RAB2A: variants seen among roughly 807,000 people sequenced by gnomAD.
RAB2A encodes ras-related protein Rab-2A.
RAB2A carries 7 observed loss-of-function variants against 32.5 expected under a neutral mutation model. That is an observed-to-expected ratio of 0.22 (90% CI 0.12 to 0.40). The LOEUF (loss-of-function observed/expected upper bound fraction) is 0.40, where lower values mean the gene tolerates loss of function less well. Among genes scored for constraint, RAB2A ranks in the 10% least tolerant of loss-of-function variants. The pLI, the probability that RAB2A is intolerant of heterozygous loss-of-function variation, is 1.00. For missense variants in RAB2A, 108 were observed against 260.7 expected, an observed-to-expected ratio of 0.41 and a Z score of 4.03; for synonymous variants, 79 against 85.2, an observed-to-expected ratio of 0.93 and a Z score of 0.40.
intron 2 of RAB2A, among the ~76,000 whole-genome samples, chr8:60,560,748 G>T (rs1187233022): frequency 1.1e-4 from 16 of 144,422 alleles, no homozygotes; most frequent in South Asian, 2.2e-4. Flanking sequence ...TTTGTTTTTT[G>T]TTTTTTTTTT....
At chr8:60,620,080 A>G (rs1051937421) in intron 7 of RAB2A, among the ~76,000 whole-genome samples, 6 of 152,270 alleles carry the variant, frequency 3.9e-5, no homozygotes, top group Non-Finnish European at 5.9e-5. Flanking sequence ...TTCTGAAGCT[A>G]CTGTATTACT....
chr8:60,537,007 T>A (rs1411133169), intron 1 of RAB2A, among the ~76,000 whole-genome samples: 1 of 152,224 alleles, frequency 6.6e-6, no homozygotes, highest in Non-Finnish European at 1.5e-5. Flanking sequence ...CTTCCCAGTT[T>A]ATTTATTTTA....
chr8:60,620,598 A>AT (rs1804511553), intron 7 of RAB2A, 76 bp from the exon 8 acceptor site: 2 of 1,067,654 alleles, frequency 1.9e-6, no homozygotes, highest in Admixed American at 3.6e-5. Context: ...ATCATAAAGA[A>AT]TTAAATGAGT....
intron 1 of RAB2A, among the ~76,000 whole-genome samples, chr8:60,545,578 C>A (rs1261411456): frequency 6.6e-6 from 1 of 152,156 alleles, no homozygotes; most frequent in African/African-American, 2.4e-5. Context: ...TCACACCCGG[C>A]AAGGAATCTG....
rs142169598 is a variant in RAB2A, at chr8:60,564,889, A to G, written c.118+5966A>G. ...AAAATATTTGCTAAATATACTACCT[A>G]CTTAGTGGAGGAAAACTTCATAAAG... On this transcript the variant is annotated intron_variant, in intron 2 of 7. Transcript: ENST00000262646. 1.7e-3 allele frequency among the ~76,000 whole-genome samples: 252 copies of G among 152,308 alleles called. 3 individuals are homozygous for G. Among genetic ancestry groups the G allele is most frequent in the Non-Finnish European group, 2.1e-3 (142 of 68,020 alleles).
At chr8:60,555,425 A>G (rs1586080082) in intron 1 of RAB2A, among the ~76,000 whole-genome samples, 1 of 152,228 alleles carries the variant, frequency 6.6e-6, no homozygotes, top group East Asian at 1.9e-4. Flanking sequence ...GAAACAATCA[A>G]TAGAGTGAAA....
chr8:60,609,308 A>G (rs610455), intron 6 of RAB2A, among the ~76,000 whole-genome samples: 33,554 of 152,150 alleles, frequency 0.22, 3,779 homozygotes, highest in Middle Eastern at 0.38. Flanking sequence ...CCATGACACC[A>G]GCATGTCTTC....
chr8:60,579,662 C>G (rs1028265822), intron 3 of RAB2A, among the ~76,000 whole-genome samples: 21 of 151,676 alleles, frequency 1.4e-4, no homozygotes, highest in African/African-American at 3.6e-4. Context: ...GAGTCTCACT[C>G]TGTCACCCAG....
At chr8:60,538,133 C>A (rs368899924) in intron 1 of RAB2A, among the ~76,000 whole-genome samples, 1 of 152,182 alleles carries the variant, frequency 6.6e-6, no homozygotes, top group Non-Finnish European at 1.5e-5. Context: ...AGATTTAATA[C>A]CTCTGTAACT....
intron 3 of RAB2A, among the ~76,000 whole-genome samples, chr8:60,578,890 G>A (rs907494325): frequency 1.3e-5 from 2 of 152,194 alleles, no homozygotes; most frequent in Non-Finnish European, 2.9e-5. Context: ...CATGAAAGAT[G>A]AAGGTGTAAG....
At chr8:60,536,047 G>A (rs367637339) in intron 1 of RAB2A, among the ~76,000 whole-genome samples, 10 of 152,226 alleles carry the variant, frequency 6.6e-5, no homozygotes, top group East Asian at 5.8e-4. Context: ...CTTCTTGTGC[G>A]TTTGTGCAAG....
intron 3 of RAB2A, among the ~76,000 whole-genome samples, chr8:60,573,792 C>A (rs1808229606): frequency 6.6e-6 from 1 of 152,200 alleles, no homozygotes; most frequent in Non-Finnish European, 1.5e-5. Flanking sequence ...GTTCTCTCTT[C>A]TTGTTTTGGA....
chr8:60,533,896 G>A (rs999823687), intron 1 of RAB2A, among the ~76,000 whole-genome samples: 4 of 152,300 alleles, frequency 2.6e-5, no homozygotes, highest in Middle Eastern at 3.4e-3. Flanking sequence ...CTTGAAGGCG[G>A]AGGTTGCAGT....
intron 1 of RAB2A, among the ~76,000 whole-genome samples, chr8:60,543,677 G>A (rs1459745825): frequency 6.6e-6 from 1 of 152,186 alleles, no homozygotes; most frequent in Non-Finnish European, 1.5e-5. Context: ...TGTAGCTGAT[G>A]AAATGGAGGT....
At chr8:60,538,324 A>G (rs942913544) in intron 1 of RAB2A, among the ~76,000 whole-genome samples, 3 of 152,210 alleles carry the variant, frequency 2.0e-5, no homozygotes, top group Admixed American at 1.3e-4. Context: ...GGCTTATCTA[A>G]TGAAGGATAC....
intron 3 of RAB2A, among the ~76,000 whole-genome samples, chr8:60,581,315 GAGA>G (rs1175250797): frequency 6.6e-6 from 1 of 152,208 alleles, no homozygotes; most frequent in African/African-American, 2.4e-5. Flanking sequence ...AAGCATTTCA[GAGA>G]AGAAGTGCTC....
At chr8:60,524,602 A>G (rs72648582) in intron 1 of RAB2A, among the ~76,000 whole-genome samples, 1 of 152,322 alleles carries the variant, frequency 6.6e-6, no homozygotes, top group Non-Finnish European at 1.5e-5. Flanking sequence ...AAGGTTCTAG[A>G]TTCTCTCTCC....
chr8:60,540,697 G>T (rs1006595887), intron 1 of RAB2A, among the ~76,000 whole-genome samples: 9 of 152,322 alleles, frequency 5.9e-5, no homozygotes, highest in Non-Finnish European at 1.5e-5. Flanking sequence ...GGCCAGGCTG[G>T]CCTGGAACTT....
chr8:60,615,755 ATTGT>A (rs1345599180), intron 6 of RAB2A, among the ~76,000 whole-genome samples: 1 of 152,092 alleles, frequency 6.6e-6, no homozygotes, highest in Non-Finnish European at 1.5e-5. Context: ...CACATATTTT[ATTGT>A]TTGTGTGTGT....
Sources: allele counts gnomAD v4.1 joint callset (sites outside exome capture counted in the v4.1 genomes callset), GRCh38; gene constraint gnomAD v4.1.1; transcripts MANE v1.5; gene names NCBI Gene and HGNC (gene_info 2026-07-23, HGNC 2026-07-21).